ALOX12B: variants seen among roughly 807,000 people sequenced by gnomAD.
The protein encoded by ALOX12B is arachidonate 12-lipoxygenase, 12R-type.
In ALOX12B, 47 loss-of-function variants were observed where a neutral mutation model predicts 78.9. That is an observed-to-expected ratio of 0.60 (90% confidence interval 0.47 to 0.76). The LOEUF (loss-of-function observed/expected upper bound fraction) is 0.76, where lower values mean the gene tolerates loss of function less well. ALOX12B is among the 30% of genes least tolerant of loss of function. ALOX12B has a pLI of 0.00. For synonymous variants in ALOX12B, 370 were observed against 374.5 expected, an observed-to-expected ratio of 0.99 and a Z score of 0.14; for missense variants, 805 against 922.6, an observed-to-expected ratio of 0.87 and a Z score of 1.65.
chr17:8,083,435 T>G (rs948744537), intron 2 of ALOX12B, among the ~76,000 whole-genome samples: 1 of 152,178 alleles, frequency 6.6e-6, no homozygotes, highest in Non-Finnish European at 1.5e-5. Flanking sequence ...TTAAGCCTTT[T>G]AAAATTCTGT....
chr17:8,082,805 G>C (rs8075278), intron 2 of ALOX12B, among the ~76,000 whole-genome samples: 1,608 of 152,186 alleles, frequency 0.011, 23 homozygotes, highest in African/African-American at 0.037. Context: ...GTCACCACCG[G>C]ACTTTGGGTA....
In ALOX12B at chr17:8,076,176, T is replaced by G. The variant is rs1356567382; in HGVS notation, c.1531A>C (p.Lys511Gln). The change falls in exon 11 of 15, where the codon AAG becomes CAG. Residue 511 changes from lysine to glutamine, a missense_variant and splice_region_variant. By Grantham distance (53) the Lys-to-Gln change is moderately conservative. Coordinates refer to ENST00000647874, the MANE Select transcript of ALOX12B (RefSeq NM_001139.3). ...CACCCACTGCTGTCCTGAGCTCACTTCTCCAGTGCATTCCACACCGCCAAG... is the reference window on the plus strand; with the variant it reads ...CACCCACTGCTGTCCTGAGCTCACTGCTCCAGTGCATTCCACACCGCCAAG... ...DSLAVWNALEKYVTEIITYYY... is the reference protein window; with the variant it reads ...DSLAVWNALEQYVTEIITYYY... The G allele has an allele frequency of 1.9e-6, 3 of 1,613,916 alleles. No individual in the cohort carries two copies. In the South Asian group the frequency reaches 3.3e-5, roughly 18 times the overall value.
At chr17:8,085,336 C>G (rs114932687) in intron 2 of ALOX12B, among the ~76,000 whole-genome samples, 1,637 of 152,214 alleles carry the variant, frequency 0.011, 25 homozygotes, top group African/African-American at 0.037. Flanking sequence ...CAAAAACTAG[C>G]ATCAGGAGGC....
chr17:8,084,541 C>G (rs1162340381), intron 2 of ALOX12B, among the ~76,000 whole-genome samples: 1 of 152,216 alleles, frequency 6.6e-6, no homozygotes, highest in Non-Finnish European at 1.5e-5. Context: ...TGCCTGTCCC[C>G]TGCTTCCATG....
rs1039399607 is a variant in ALOX12B, at chr17:8,077,017, G to T, written c.1248C>A (p.Asn416Lys). The change falls in exon 9 of 15, where the codon AAC (asparagine) becomes AAA (lysine). Residue 416 changes from asparagine (N) to lysine (K), a missense_variant. Asn to Lys is a moderately conservative substitution (Grantham distance 94). Coordinates refer to ENST00000647874, the MANE Select transcript of ALOX12B (RefSeq NM_001139.3). ...AEAFCLALLR[N>K]LPMCHPLYKL... is the part of the protein sequence containing the mutation. Reference sequence around the variant, plus strand: ...TGTAGAGGGGGTGGCACATGGGCAGGTTCCTCAGCAAGGCCAGGCAGAAGG... The same window carrying T: ...TGTAGAGGGGGTGGCACATGGGCAGTTTCCTCAGCAAGGCCAGGCAGAAGG... 11 of 1,613,774 alleles carry T rather than the reference G, an allele frequency of 6.8e-6. No individual in the cohort carries two copies. The highest frequency in any genetic ancestry group is 1.3e-5 in the African/African-American group (1 of 74,924).
In ALOX12B at chr17:8,085,940, G is replaced by A; in HGVS notation, c.352+76C>T. 7 of 1,554,536 alleles carry A rather than the reference G, an allele frequency of 4.5e-6. No individual in the cohort carries two copies. The South Asian group carries it at 7.8e-5, about 17-fold the overall frequency. ...CCCCCCTCTGGCTTGATGGGAGCCT[G>A]GGTGCCATGCCAGGGTAGCAGGCTG... On this transcript the variant is annotated intron_variant, in intron 2 of 14. Transcript: ENST00000647874.
At chr17:8,084,712 C>T (rs190683685) in intron 2 of ALOX12B, among the ~76,000 whole-genome samples, 22 of 152,298 alleles carry the variant, frequency 1.4e-4, no homozygotes, top group East Asian at 1.2e-3. Context: ...CAATGAGAAA[C>T]GGAAGAGAGG....
In ALOX12B at chr17:8,072,675, T is replaced by G; in HGVS notation, c.*96A>C. On this transcript the variant is annotated 3_prime_UTR_variant, in exon 15 of 15. Transcript: ENST00000647874. ...TTGTTTTTTTGTTTGTTTGGTGTTTTGGTCTCTGAGGTTTTTGTGTTTTTT... is the reference window on the plus strand; with the variant it reads ...TTGTTTTTTTGTTTGTTTGGTGTTTGGGTCTCTGAGGTTTTTGTGTTTTTT... 6.6e-7 allele frequency: 1 copy of G among 1,522,596 alleles called. No individual in the cohort carries two copies. The highest frequency in any genetic ancestry group is 9.1e-7 in the Non-Finnish European group (1 of 1,099,772). 94.3% of individuals were successfully genotyped at this position (1,522,596 alleles called of 1,614,324 possible).
In ALOX12B at chr17:8,081,285, G is replaced by A. The variant is rs911372333; in HGVS notation, c.353-98C>T. 8.7e-6 allele frequency: 11 copies of A among 1,264,130 alleles called. No individual in the cohort carries two copies. The East Asian group carries it at 2.6e-4, about 30-fold the overall frequency. The allele number at this position is 1,264,130 out of a possible 1,614,324, so 78.3% of individuals were successfully genotyped here. ...CTTCTGTGCCCCAGGTCGTCTCTGGGGGGGCCCATGACCAAGGAGTGGGAA... is the reference window on the plus strand; with the variant it reads ...CTTCTGTGCCCCAGGTCGTCTCTGGAGGGGCCCATGACCAAGGAGTGGGAA... On this transcript the variant is annotated intron_variant, in intron 2 of 14. Transcript: ENST00000647874.
chr17:8,079,850 C>T lies in ALOX12B; in HGVS notation c.846G>A (p.Arg282=). ...VNPGLIRRCT[R]IPDKFPVTDD... is the part of the protein sequence containing the mutation. ...CTGTGACGGGGAACTTGTCTGGGATCCGCGTGCAGCGGCGGATCAGGCCGG... is the reference window on the plus strand; with the variant it reads ...CTGTGACGGGGAACTTGTCTGGGATTCGCGTGCAGCGGCGGATCAGGCCGG... The change falls in exon 7 of 15, where the codon CGG becomes CGA. Residue 282 remains arginine (R), a synonymous_variant. Coordinates refer to ENST00000647874, the MANE Select transcript of ALOX12B (RefSeq NM_001139.3). The surrounding 1 kb of genome is among the most constrained non-coding windows in gnomAD (Gnocchi z 6.4). The T allele has an allele frequency of 6.2e-7, 1 of 1,613,624 alleles. No homozygotes were observed. Among genetic ancestry groups the T allele is most frequent in the South Asian group, 1.1e-5 (1 of 91,074 alleles).
chr17:8,083,042 G>A (rs753795411), intron 2 of ALOX12B, among the ~76,000 whole-genome samples: 52 of 152,088 alleles, frequency 3.4e-4, no homozygotes, highest in Non-Finnish European at 6.2e-4. Flanking sequence ...ATCTCCCTGA[G>A]GCTATATACA....
In ALOX12B at chr17:8,079,282, A is replaced by ACGAGAGAC. The variant is rs1424884377; in HGVS notation, c.1071+106_1071+113dup. Reference sequence around the variant, plus strand: ...TCCTGGAACCAATCTCTCAAGGATAACGAGAGACGGCTGAATACATGCAGG... The same window carrying ACGAGAGAC: ...TCCTGGAACCAATCTCTCAAGGATAACGAGAGACCGAGAGACGGCTGAATACATGCAGG... On this transcript the variant is annotated intron_variant, in intron 8 of 14. Coordinates refer to ENST00000647874, the MANE Select transcript of ALOX12B (RefSeq NM_001139.3). This position sits in a 1 kb window ranked among gnomAD's most constrained non-coding sequence, Gnocchi z 6.4. 1 of 1,439,284 alleles carries ACGAGAGAC rather than the reference A, an allele frequency of 6.9e-7. No individual in the cohort carries two copies. Among genetic ancestry groups the ACGAGAGAC allele is most frequent in the Admixed American group, 2.2e-5 (1 of 44,612 alleles). 89.2% of individuals were successfully genotyped at this position (1,439,284 alleles called of 1,614,324 possible).
rs1033280730 is a variant in ALOX12B, at chr17:8,087,577, G to A, written c.-135C>T. 2.8e-6 allele frequency: 4 copies of A among 1,442,654 alleles called. No individual in the cohort carries two copies. The African/African-American group carries it at 5.6e-5, about 20-fold the overall frequency. The allele number at this position is 1,442,654 out of a possible 1,614,324, so 89.4% of individuals were successfully genotyped here. A position where few individuals can be genotyped will look rare whatever the true frequency, so the allele number is the denominator to read the frequency against. On this transcript the variant is annotated 5_prime_UTR_variant, in exon 1 of 15. Coordinates refer to ENST00000647874, the MANE Select transcript of ALOX12B (RefSeq NM_001139.3). ...GCTGGCCTCCGAGGTGCAGTGGTGAGGTGGCGAGGTGGGGTGACTAGGCCT... is the reference window on the plus strand; with the variant it reads ...GCTGGCCTCCGAGGTGCAGTGGTGAAGTGGCGAGGTGGGGTGACTAGGCCT...
chr17:8,086,311 C>T (rs771961988), intron 1 of ALOX12B, 91 bp from the exon 2 acceptor site: 590 of 1,304,174 alleles, frequency 4.5e-4, no homozygotes, highest in Non-Finnish European at 5.8e-4. Context: ...AGGCCCTGCT[C>T]ATGCTGCGCA....
rs1037969960 is a variant in ALOX12B at position 8,079,799 on chromosome 17, G to T, written c.897C>A (p.Gly299=). Residue 299 remains glycine, a synonymous_variant, in exon 7 of 15, where the codon GGC becomes GGA. Coordinates refer to ENST00000647874, the MANE Select transcript of ALOX12B (RefSeq NM_001139.3). The surrounding 1 kb of genome is among the most constrained non-coding windows in gnomAD (Gnocchi z 6.4). ...VTDDMVAPFL[G]EGTCLQAELE... ...GCTCCGCTTGCAAGCACGTTCCCTC[G>T]CCCAGGAACGGAGCCACCATGTCGT... The T allele has an allele frequency of 6.2e-7, 1 of 1,613,194 alleles. No individual in the cohort carries two copies.
Position 8,073,663 on chromosome 17 carries a change from T to A in ALOX12B, c.1749A>T (p.Thr583=), listed in dbSNP as rs748849529. 1 of 1,613,998 alleles carries A rather than the reference T, an allele frequency of 6.2e-7. No individual in the cohort carries two copies. Among genetic ancestry groups the A allele is most frequent in the Non-Finnish European group, 8.5e-7 (1 of 1,179,892 alleles). Residue 583 remains threonine, a synonymous_variant, in exon 13 of 15, where the codon ACA becomes ACT. Coordinates refer to ENST00000647874, the MANE Select transcript of ALOX12B (RefSeq NM_001139.3). ...TCSAKHAAVN[T]GQMEFTAWMP... The stretch of plus-strand genomic sequence containing the variant: ...TTGGTGAGACCACCGGTACCTGGCC[T>A]GTGTTGACAGCAGCGTGCTTGGCAG...
At chr17:8,074,793 T>C (rs930594030) in intron 12 of ALOX12B, among the ~76,000 whole-genome samples, 6 of 152,180 alleles carry the variant, frequency 3.9e-5, no homozygotes, top group Non-Finnish European at 8.8e-5. Context: ...AGAACATGAT[T>C]ACAGTAAGCA....
In ALOX12B at chr17:8,080,663, C is replaced by A; in HGVS notation, c.645G>T (p.Gly215=). ...CGTCACTCACACGGACTCACATGGG[C>A]CCCAGGCGGACGAAGAAGGAGGCCG... The part of the protein sequence containing the change: ...LKTASFFVRL[G]PMALAFKVRG... The change falls in exon 5 of 15, where the codon GGG becomes GGT. Residue 215 remains glycine (G), a synonymous_variant. Coordinates refer to ENST00000647874, the MANE Select transcript of ALOX12B (RefSeq NM_001139.3). This position sits in a 1 kb window ranked among gnomAD's most constrained non-coding sequence, Gnocchi z 4.8. The A allele has an allele frequency of 6.2e-7, 1 of 1,613,974 alleles. No homozygotes were observed. Among genetic ancestry groups the A allele is most frequent in the Non-Finnish European group, 8.5e-7 (1 of 1,179,900 alleles).
chr17:8,076,122 C>T, intron 11 of ALOX12B, 53 bp downstream of exon 11: 2 of 1,610,842 alleles, frequency 1.2e-6, no homozygotes, highest in Non-Finnish European at 1.7e-6. Context: ...ACACCCTCTC[C>T]AACATCCCAG....
Sources: gnomAD v4.1 joint callset for allele counts (sites outside exome capture counted in the v4.1 genomes callset) on GRCh38, gnomAD v4.1.1 for gene constraint, Gnocchi (gnomAD v3.1) non-coding constraint, MANE v1.5 for transcripts, NCBI Gene and HGNC (gene_info 2026-07-23, HGNC 2026-07-21) for gene names.